The following RBFOX1 variants were observed in gnomAD, a reference collection of about 807,000 sequenced individuals.
RBFOX1 encodes RNA binding protein fox-1 homolog 1.
Under a neutral mutation model 57.7 loss-of-function variants are expected in RBFOX1, and 8 were observed. That is an observed-to-expected ratio of 0.14 (90% confidence interval 0.08 to 0.25). RBFOX1 has a LOEUF of 0.25. Among genes scored for constraint, RBFOX1 ranks in the 10% least tolerant of loss-of-function variants. The probability of loss-of-function intolerance (pLI) is 1.00; values close to 1 mark genes in which losing one functional copy is unlikely to be tolerated. For synonymous variants in RBFOX1, 326 were observed against 222.4 expected (o/e 1.47, Z -4.15); for missense variants, 611 against 548.5 (o/e 1.11, Z -1.14).
intron 3 of RBFOX1, among the ~76,000 whole-genome samples, chr16:6,986,199 T>TATTTATTTATTTATTTA (rs2090231023): frequency 6.6e-6 from 1 of 151,004 alleles, no homozygotes; most frequent in Admixed American, 6.6e-5. Flanking sequence ...TTTATTTATT[T>TATTTATTTATTTATTTA]ATTTATTTAT....
chr16:5,339,268 G>C (rs1392075625), intron 1 of RBFOX1, among the ~76,000 whole-genome samples: 5 of 151,956 alleles, frequency 3.3e-5, no homozygotes, highest in Non-Finnish European at 7.4e-5. Flanking sequence ...CCTGAGGTCT[G>C]TCTGCCCCCG....
intron 2 of RBFOX1, among the ~76,000 whole-genome samples, chr16:6,598,505 C>T (rs995831398): frequency 2.4e-4 from 37 of 151,820 alleles, no homozygotes; most frequent in African/African-American, 5.1e-4. Context: ...GACGTCAGAC[C>T]GATATATACA....
intron 3 of RBFOX1, chr16:6,705,350 G>A (rs761260044): frequency 6.6e-6 from 1 of 152,252 alleles, no homozygotes; most frequent in Non-Finnish European, 1.5e-5. Flanking sequence ...GATGGATGGG[G>A]GTTGGCATCA....
intron 1 of RBFOX1, among the ~76,000 whole-genome samples, chr16:6,287,343 T>A (rs1486589866): frequency 6.6e-6 from 1 of 152,190 alleles, no homozygotes; most frequent in East Asian, 1.9e-4. Flanking sequence ...CTTGAAGTGA[T>A]CTTCGTTGTT....
At chr16:6,576,600 A>G (rs566476438) in intron 2 of RBFOX1, among the ~76,000 whole-genome samples, 1 of 151,844 alleles carries the variant, frequency 6.6e-6, no homozygotes, top group African/African-American at 2.4e-5. Context: ...CCTTCTTTGA[A>G]CTCCAACTGG....
intron 1 of RBFOX1, among the ~76,000 whole-genome samples, chr16:5,419,599 G>A (rs1396879031): frequency 6.6e-6 from 1 of 151,914 alleles, no homozygotes; most frequent in Non-Finnish European, 1.5e-5. Flanking sequence ...TTGATGCTCA[G>A]TATTAACCGT....
chr16:7,435,604 T>G (rs2149715851), intron 4 of RBFOX1, among the ~76,000 whole-genome samples: 1 of 152,304 alleles, frequency 6.6e-6, no homozygotes, highest in Admixed American at 6.5e-5. Flanking sequence ...TAAAGGACCA[T>G]CAGGTGGAAA....
intron 1 of RBFOX1, among the ~76,000 whole-genome samples, chr16:6,278,232 C>T (rs1458045847): frequency 1.3e-5 from 2 of 151,796 alleles, no homozygotes; most frequent in Non-Finnish European, 2.9e-5. Flanking sequence ...AGGGATGATT[C>T]GTTGCAGGCA....
At chr16:5,978,556 C>T (rs928473922) in intron 4 of RBFOX1, among the ~76,000 whole-genome samples, 1 of 152,158 alleles carries the variant, frequency 6.6e-6, no homozygotes. Context: ...CATTAATCAC[C>T]TGTTTCTATT....
chr16:5,833,611 A>G (rs748860391), intron 3 of RBFOX1, among the ~76,000 whole-genome samples: 3 of 152,096 alleles, frequency 2.0e-5, no homozygotes, highest in Non-Finnish European at 4.4e-5. Flanking sequence ...GTGGCCAATT[A>G]AGACACTTTT....
chr16:6,994,281 C>G (rs575317146), intron 3 of RBFOX1, among the ~76,000 whole-genome samples: 23 of 152,298 alleles, frequency 1.5e-4, no homozygotes, highest in Non-Finnish European at 2.6e-4. Flanking sequence ...TGCCTTCCGA[C>G]TTAATGAAGC....
intron 5 of RBFOX1, among the ~76,000 whole-genome samples, chr16:7,553,451 C>G (rs371043115): frequency 5.4e-4 from 82 of 152,308 alleles, no homozygotes; most frequent in African/African-American, 1.8e-3. Flanking sequence ...AGCCCAGTAT[C>G]TACAATTTTA....
intron 3 of RBFOX1, among the ~76,000 whole-genome samples, chr16:6,991,798 A>C (rs775241956): frequency 2.4e-4 from 37 of 152,060 alleles, no homozygotes; most frequent in Non-Finnish European, 3.4e-4. Context: ...AGGCCTTCCA[A>C]AGTGCTGCTA....
At chr16:7,578,388 A>G (rs1409575043) in intron 5 of RBFOX1, among the ~76,000 whole-genome samples, 4 of 152,226 alleles carry the variant, frequency 2.6e-5, no homozygotes, top group African/African-American at 7.2e-5. Flanking sequence ...ATACCAGAGC[A>G]TCTTGGAAGA....
intron 3 of RBFOX1, among the ~76,000 whole-genome samples, chr16:6,687,269 A>G (rs992255447): frequency 6.6e-6 from 1 of 152,114 alleles, no homozygotes; most frequent in Non-Finnish European, 1.5e-5. Flanking sequence ...GATATAATCG[A>G]CTTTGGATAC....
At chr16:6,614,335 A>G (rs2098113929) in intron 2 of RBFOX1, among the ~76,000 whole-genome samples, 1 of 152,212 alleles carries the variant, frequency 6.6e-6, no homozygotes, top group Non-Finnish European at 1.5e-5. Context: ...ATCTTTAAAT[A>G]TCATGCCAGG....
At chr16:5,531,823 A>G (rs1353956346) in intron 2 of RBFOX1, among the ~76,000 whole-genome samples, 4 of 135,894 alleles carry the variant, frequency 2.9e-5, no homozygotes, top group African/African-American at 1.1e-4. Flanking sequence ...TTTTTTTGAG[A>G]TGGAGTCTCA....
intron 4 of RBFOX1, among the ~76,000 whole-genome samples, chr16:7,111,513 G>C (rs2064769171): frequency 1.3e-5 from 2 of 152,148 alleles, no homozygotes; most frequent in African/African-American, 4.8e-5. Flanking sequence ...CTGCTGTTGG[G>C]GGAAGGGTGG....
intron 2 of RBFOX1, among the ~76,000 whole-genome samples, chr16:6,427,254 G>A (rs569698821): frequency 6.6e-6 from 1 of 152,326 alleles, no homozygotes; most frequent in East Asian, 1.9e-4. Flanking sequence ...CAGGCTTCCT[G>A]TGGATCCTAG....
Sources: allele counts gnomAD v4.1 joint callset (sites outside exome capture counted in the v4.1 genomes callset), GRCh38; gene constraint gnomAD v4.1.1; transcripts MANE v1.5; gene names NCBI Gene and HGNC (gene_info 2026-07-23, HGNC 2026-07-21).